The following MSTO1 variants were observed in gnomAD, a reference collection of about 807,000 sequenced individuals.
MSTO1 encodes protein misato homolog 1.
Under a neutral mutation model 55.7 loss-of-function variants are expected in MSTO1, and 24 were observed. That is an observed-to-expected ratio of 0.43 (90% CI 0.31 to 0.61). The LOEUF (loss-of-function observed/expected upper bound fraction) is 0.61, where lower values mean the gene tolerates loss of function less well. Ranked by LOEUF, MSTO1 falls within the 20% of genes least tolerant of loss-of-function variation. The pLI, the probability that MSTO1 is intolerant of heterozygous loss-of-function variation, is 0.09. For synonymous variants in MSTO1, 162 were observed against 252.8 expected, an observed-to-expected ratio of 0.64 and a Z score of 3.41; for missense variants, 363 against 625.7, an observed-to-expected ratio of 0.58 and a Z score of 4.48.
At chr1:155,595,235 T>G in the MSTO1 span, among the ~76,000 whole-genome samples, 4 of 139,962 alleles carry the variant, frequency 2.9e-5, no homozygotes, top group East Asian at 7.7e-4. Flanking sequence ...TGGAGTGCAG[T>G]GGCGCAATCT....
At chr1:155,576,196 C>A in the MSTO1 span, among the ~76,000 whole-genome samples, 1 of 152,046 alleles carries the variant, frequency 6.6e-6, no homozygotes, top group African/African-American at 2.4e-5. Flanking sequence ...AAGTTAAGTT[C>A]TATGTGATTT....
At chr1:155,585,187 G>A in the MSTO1 span, among the ~76,000 whole-genome samples, 1 of 152,086 alleles carries the variant, frequency 6.6e-6, no homozygotes, top group Non-Finnish European at 1.5e-5. Flanking sequence ...CGGTTAAATG[G>A]GTGCAACTCT....
the MSTO1 span, chr1:155,590,933 T>C: frequency 6.2e-7 from 1 of 1,613,580 alleles, no homozygotes; most frequent in Non-Finnish European, 8.5e-7. Context: ...TTGGAATCCT[T>C]CTCCTCCACA....
At chr1:155,580,656 C>T in the MSTO1 span, among the ~76,000 whole-genome samples, 14 of 152,156 alleles carry the variant, frequency 9.2e-5, no homozygotes, top group South Asian at 2.7e-3. Flanking sequence ...CGGTGGCTCA[C>T]GCCTGTAATC....
chr1:155,582,845 C>T, the MSTO1 span, among the ~76,000 whole-genome samples: 1 of 151,896 alleles, frequency 6.6e-6, no homozygotes, highest in Non-Finnish European at 1.5e-5. Flanking sequence ...TTCTTTCTCT[C>T]CTTACCCACC....
chr1:155,602,062 C>G, the MSTO1 span: 1 of 654,194 alleles, frequency 1.5e-6, no homozygotes. Context: ...CCTCTTCTGC[C>G]TTTTTTTAAG....
At chr1:155,568,227 C>A in the MSTO1 span, among the ~76,000 whole-genome samples, 1 of 148,288 alleles carries the variant, frequency 6.7e-6, no homozygotes, top group African/African-American at 2.5e-5. Flanking sequence ...TTACAGGTGC[C>A]CGCCACTGTG....
chr1:155,614,715 A>G lies in MSTO1; in HGVS notation c.*442A>G, dbSNP rs1454284832. On this transcript the variant is annotated 3_prime_UTR_variant, in exon 14 of 14. Transcript: ENST00000245564. ...GTTTGGTCCTGTGTAGATGATTCCCAGAGTCTCATTCATCCAGCTCCTCTT... is the reference window on the plus strand; with the variant it reads ...GTTTGGTCCTGTGTAGATGATTCCCGGAGTCTCATTCATCCAGCTCCTCTT... The G allele has an allele frequency of 1.5e-5, 23 of 1,580,788 alleles. No homozygotes were observed. Among genetic ancestry groups the G allele is most frequent in the Non-Finnish European group, 1.8e-5 (21 of 1,150,890 alleles).
upstream of MSTO1, among the ~76,000 whole-genome samples, chr1:155,607,321 C>T (rs565265076): frequency 3.3e-5 from 5 of 151,988 alleles, no homozygotes; most frequent in Admixed American, 2.6e-4. Context: ...ATTACAGGCA[C>T]GTGCCACCAC....
upstream of MSTO1, among the ~76,000 whole-genome samples, chr1:155,608,359 G>A (rs1673005978): frequency 6.6e-6 from 1 of 152,062 alleles, no homozygotes; most frequent in Admixed American, 6.6e-5. Context: ...ATAGGGGGAG[G>A]GGGAGTCTCA....
the MSTO1 span, among the ~76,000 whole-genome samples, chr1:155,568,637 A>G: frequency 1.3e-4 from 19 of 150,796 alleles, no homozygotes; most frequent in Non-Finnish European, 2.7e-4. Flanking sequence ...ACAGGATTTC[A>G]CTATGTTGGC....
At chr1:155,585,608 A>C in the MSTO1 span, among the ~76,000 whole-genome samples, 1 of 152,158 alleles carries the variant, frequency 6.6e-6, no homozygotes, top group Non-Finnish European at 1.5e-5. Flanking sequence ...GTTATTCTAT[A>C]ACTACTGGAT....
chr1:155,574,526 T>C, the MSTO1 span, among the ~76,000 whole-genome samples: 1 of 152,152 alleles, frequency 6.6e-6, no homozygotes, highest in Non-Finnish European at 1.5e-5. Flanking sequence ...CGAAAGCTCT[T>C]CGTACTACGT....
upstream of MSTO1, among the ~76,000 whole-genome samples, chr1:155,609,235 ATATATATATT>A (rs1366479507): frequency 4.1e-4 from 20 of 49,326 alleles, no homozygotes; most frequent in African/African-American, 1.3e-3. Context: ...ATATATATAT[ATATATATATT>A]TTTTTTTTTT....
the MSTO1 span, among the ~76,000 whole-genome samples, chr1:155,575,410 A>G: frequency 2.6e-5 from 4 of 151,926 alleles, no homozygotes; most frequent in Non-Finnish European, 5.9e-5. Flanking sequence ...TAACTTTTAT[A>G]CTTTGGAGAA....
At chr1:155,591,155 G>C in the MSTO1 span, 2 of 1,613,400 alleles carry the variant, frequency 1.2e-6, no homozygotes, top group Non-Finnish European at 1.7e-6. Flanking sequence ...TGCTGTTGCC[G>C]ATGAAAGTGG....
the MSTO1 span, among the ~76,000 whole-genome samples, chr1:155,588,362 C>G: frequency 6.6e-6 from 1 of 152,010 alleles, no homozygotes; most frequent in Non-Finnish European, 1.5e-5. Flanking sequence ...ATGGCAGGTA[C>G]TCAGAATTCT....
the MSTO1 span, chr1:155,563,451 G>T: frequency 4.4e-6 from 2 of 456,598 alleles, no homozygotes; most frequent in Non-Finnish European, 8.8e-6. Context: ...TTCCTCCCGG[G>T]CGTTGAGTTG....
chr1:155,600,943 T>C, the MSTO1 span, among the ~76,000 whole-genome samples: 2 of 151,408 alleles, frequency 1.3e-5, no homozygotes, highest in South Asian at 2.1e-4. Context: ...CCCAAAGTGC[T>C]GGGATTACAG....
Sources: gnomAD v4.1 joint callset for allele counts (sites outside exome capture counted in the v4.1 genomes callset) on GRCh38, gnomAD v4.1.1 for gene constraint, MANE v1.5 for transcripts, NCBI Gene and HGNC (gene_info 2026-07-23, HGNC 2026-07-21) for gene names.